The following DSE variants were observed in gnomAD, a reference collection of about 807,000 sequenced individuals.
DSE encodes dermatan sulfate epimerase, also known as dermatan-sulfate epimerase.
Under a neutral mutation model 84.4 loss-of-function variants are expected in DSE, and 36 were observed. The observed-to-expected ratio is 0.43, with a 90% confidence interval of 0.33 to 0.56. DSE has a LOEUF of 0.56. Ranked by LOEUF, DSE falls within the 20% of genes least tolerant of loss-of-function variation. DSE has a pLI of 0.06. For missense variants in DSE, 862 were observed against 1,169.6 expected (o/e 0.74, Z 3.84); for synonymous variants, 410 against 430.1 (o/e 0.95, Z 0.58).
At chr6:116,429,461 G>C (rs193108502) in intron 3 of DSE, among the ~76,000 whole-genome samples, 4 of 152,270 alleles carry the variant, frequency 2.6e-5, no homozygotes, top group African/African-American at 7.2e-5. Flanking sequence ...TATTCTCAAG[G>C]GTTGCGTGTT....
chr6:116,329,675 C>T (rs1776823498), intron 2 of DSE, among the ~76,000 whole-genome samples: 1 of 152,142 alleles, frequency 6.6e-6, no homozygotes, highest in East Asian at 1.9e-4. Context: ...GTGATGTCAA[C>T]ACATCTGACC....
intron 2 of DSE, among the ~76,000 whole-genome samples, chr6:116,330,732 A>G (rs766169367): frequency 6.6e-6 from 1 of 152,226 alleles, no homozygotes; most frequent in Non-Finnish European, 1.5e-5. Context: ...CTTCCAGTCT[A>G]GCAAATACCC....
intron 2 of DSE, among the ~76,000 whole-genome samples, chr6:116,273,401 G>C (rs1772970441): frequency 6.6e-6 from 1 of 152,188 alleles, no homozygotes; most frequent in South Asian, 2.1e-4. Context: ...TGAGGTCAGA[G>C]AGAATGGATT....
upstream of DSE, chr6:116,366,788 G>T (rs1339873951): frequency 1.3e-5 from 2 of 152,162 alleles, no homozygotes; most frequent in Admixed American, 6.5e-5. Context: ...TTATGGTTTG[G>T]GAAATTCACT....
Position 116,390,940 on chromosome 6 carries a change from A to G in DSE, c.-53-8258A>G, listed in dbSNP as rs148316098. On this transcript the variant is annotated intron_variant, in intron 1 of 5. Transcript: ENST00000644252. ...GGATACTAATGGTTTGTAGTTTAGT[A>G]GTAACATGCACCAGGCTAACCTCTA... Among the ~76,000 whole-genome samples the G allele has an allele frequency of 1.4e-4, 21 of 152,360 alleles. No homozygotes were observed. In the East Asian group the frequency reaches 3.5e-3, roughly 25 times the overall value.
chr6:116,349,559 GTAGAGCAGTTGGCTT>G (rs1243715847), intron 2 of DSE, among the ~76,000 whole-genome samples: 4 of 152,208 alleles, frequency 2.6e-5, no homozygotes, highest in Non-Finnish European at 5.9e-5. Context: ...CCTCAGACTA[GTAGAGCAGTTGGCTT>G]TCCCTGTTTA....
chr6:116,364,704 A>G (rs1227996114), intron 2 of DSE, among the ~76,000 whole-genome samples: 1 of 152,234 alleles, frequency 6.6e-6, no homozygotes, highest in Non-Finnish European at 1.5e-5. Flanking sequence ...TACATTAGTG[A>G]GCTTGAGTTA....
At chr6:116,288,512 G>A (rs1300174190) in intron 2 of DSE, 1 of 152,060 alleles carries the variant, frequency 6.6e-6, no homozygotes, top group Non-Finnish European at 1.5e-5. Flanking sequence ...TGAATAGCTT[G>A]AGAAAGAAGT....
intron 2 of DSE, among the ~76,000 whole-genome samples, chr6:116,404,171 C>T (rs1781773444): frequency 6.6e-6 from 1 of 152,120 alleles, no homozygotes; most frequent in South Asian, 2.1e-4. Flanking sequence ...CATTACACTC[C>T]TCAGCAAATT....
intron 2 of DSE, among the ~76,000 whole-genome samples, chr6:116,271,122 ATT>A (rs905734859): frequency 6.6e-5 from 10 of 152,202 alleles, no homozygotes; most frequent in Non-Finnish European, 1.5e-4. Flanking sequence ...GTTTTGCTTT[ATT>A]TTGTTTTTAT....
chr6:116,279,732 G>T, intron 2 of DSE: 1 of 1,611,712 alleles, frequency 6.2e-7, no homozygotes. Flanking sequence ...GGAGCCTCAG[G>T]TACTGGTGTG....
At chr6:116,274,563 A>G (rs187998427) in intron 2 of DSE, among the ~76,000 whole-genome samples, 2 of 152,140 alleles carry the variant, frequency 1.3e-5, no homozygotes, top group East Asian at 3.9e-4. Flanking sequence ...CTGAGCAACA[A>G]GAGCAAAACT....
chr6:116,299,504 TTATATATATATATATATATA>T (rs71553739), intron 2 of DSE, among the ~76,000 whole-genome samples: 1 of 11,514 alleles, frequency 8.7e-5, no homozygotes, highest in African/African-American at 1.9e-4. Context: ...TGAATTATTT[TTATATATATATATATATATA>T]TATATATATA....
At chr6:116,327,738 A>C (rs1776704996) in intron 2 of DSE, among the ~76,000 whole-genome samples, 1 of 152,190 alleles carries the variant, frequency 6.6e-6, no homozygotes, top group Non-Finnish European at 1.5e-5. Flanking sequence ...GCCATTCTAC[A>C]TATTTTCTAG....
chr6:116,337,681 T>G (rs182976839), intron 2 of DSE, among the ~76,000 whole-genome samples: 83 of 152,254 alleles, frequency 5.5e-4, no homozygotes, highest in Middle Eastern at 3.4e-3. Flanking sequence ...TCCAGATAAA[T>G]TGAAAAACAT....
chr6:116,340,743 G>T (rs553875120), intron 2 of DSE, among the ~76,000 whole-genome samples: 1 of 152,156 alleles, frequency 6.6e-6, no homozygotes, highest in South Asian at 2.1e-4. Context: ...GTGGTGTTTG[G>T]TTTTCTGTCC....
chr6:116,413,019 G>A (rs75028323), intron 2 of DSE, among the ~76,000 whole-genome samples: 7,859 of 152,054 alleles, frequency 0.052, 698 homozygotes, highest in African/African-American at 0.18. Context: ...ATGTTGCTGC[G>A]ACGGATGTGA....
intron 1 of DSE, among the ~76,000 whole-genome samples, 185 bp downstream of exon 1, chr6:116,371,306 G>C (rs1236412087): frequency 6.6e-6 from 1 of 152,214 alleles, no homozygotes; most frequent in African/African-American, 2.4e-5. Flanking sequence ...CCGAGAGAGC[G>C]CCTGACGCGT....
At position 116,436,040 on chromosome 6, in the gene DSE, G is replaced by A; in HGVS notation, c.1572G>A (p.Arg524=). 1.9e-6 allele frequency: 3 copies of A among 1,614,084 alleles called. No individual in the cohort carries two copies. The South Asian group carries it at 3.3e-5, about 18-fold the overall frequency. ...ACCTGGCAGCTAGTTGTCAGGGGAGGGTGGTTGCAGCAGAGGAGAAAAATG... is the reference window on the plus strand; with the variant it reads ...ACCTGGCAGCTAGTTGTCAGGGGAGAGTGGTTGCAGCAGAGGAGAAAAATG... ...KHDLAASCQG[R]VVAAEEKNGV... The change falls in exon 6 of 6, where the codon AGG becomes AGA. Residue 524 remains arginine, a synonymous_variant. Coordinates refer to ENST00000644252, the MANE Select transcript of DSE (RefSeq NM_013352.4).
Sources: allele counts gnomAD v4.1 joint callset (sites outside exome capture counted in the v4.1 genomes callset), GRCh38; gene constraint gnomAD v4.1.1; transcripts MANE v1.5; gene names NCBI Gene and HGNC (gene_info 2026-07-23, HGNC 2026-07-21).